OAS1: variants seen among roughly 807,000 people sequenced by gnomAD.
The protein encoded by OAS1 is 2'-5'-oligoadenylate synthase 1.
A neutral mutation model predicts 38.5 loss-of-function variants in OAS1; 24 were observed. The ratio of observed to expected loss-of-function variants is 0.62; its 90% confidence interval spans 0.45 to 0.88. The LOEUF (loss-of-function observed/expected upper bound fraction) is 0.88, where lower values mean the gene tolerates loss of function less well. OAS1 is among the 40% of genes least tolerant of loss of function. The pLI, the probability that OAS1 is intolerant of heterozygous loss-of-function variation, is 0.00. For missense variants in OAS1, 482 were observed against 493.9 expected, an observed-to-expected ratio of 0.98 and a Z score of 0.23; for synonymous variants, 169 against 193.9, an observed-to-expected ratio of 0.87 and a Z score of 1.07.
chr12:112,922,104 G>A (rs564197216), downstream of OAS1, among the ~76,000 whole-genome samples: 6 of 152,234 alleles, frequency 3.9e-5, no homozygotes, highest in East Asian at 9.7e-4. Context: ...TTGATCCTCT[G>A]CCCAACAGTC....
At chr12:112,924,513 G>A (rs1200660898), downstream of OAS1, among the ~76,000 whole-genome samples, 1 of 151,742 alleles carries the variant, frequency 6.6e-6, no homozygotes, top group African/African-American at 2.4e-5. Flanking sequence ...CCATGAACTT[G>A]GAGTTTCTTT....
chr12:112,909,910 T>A (rs148338363), intron 2 of OAS1, among the ~76,000 whole-genome samples: 1,933 of 152,272 alleles, frequency 0.013, 14 homozygotes, highest in Middle Eastern at 0.024. Flanking sequence ...TATCAAGTAA[T>A]TAGGACTTAA....
Position 112,908,677 on chromosome 12 carries a change from G to A in OAS1, c.322G>A (p.Ala108Thr). 1 of 1,614,230 alleles carries A rather than the reference G, an allele frequency of 6.2e-7. No individual in the cohort carries two copies. Among genetic ancestry groups the A allele is most frequent in the Non-Finnish European group, 8.5e-7 (1 of 1,180,042 alleles). Residue 108 changes from alanine to threonine, a missense_variant, in exon 2 of 6, where the codon GCC becomes ACC. Ala to Thr is a moderately conservative substitution (Grantham distance 58). Transcript: ENST00000202917. ...FIQEIRRQLE[A>T]CQRERAFSVK... ...CCAGGAAATTAGGAGACAGCTGGAA[G>A]CCTGTCAAAGAGAGAGAGCATTTTC...
intron 6 of OAS1, among the ~76,000 whole-genome samples, chr12:112,929,624 C>A (rs1263072810): frequency 1.3e-5 from 2 of 152,160 alleles, no homozygotes; most frequent in Non-Finnish European, 1.5e-5. Context: ...TCATATAAAT[C>A]CTATGAGGTA....
At chr12:112,917,484 A>C (rs541981546) in intron 4 of OAS1, 63 bp from the exon 5 acceptor site, 63 of 1,602,598 alleles carry the variant, frequency 3.9e-5, no homozygotes, top group Non-Finnish European at 5.3e-5. Context: ...TCCCAGGAGC[A>C]TCTGGACTCC....
At chr12:112,927,946 G>T (rs891820926) in intron 6 of OAS1, among the ~76,000 whole-genome samples, 3 of 152,154 alleles carry the variant, frequency 2.0e-5, no homozygotes, top group African/African-American at 4.8e-5. Flanking sequence ...GAAGACCAAA[G>T]ACTGTAGCAT....
intron 6 of OAS1, among the ~76,000 whole-genome samples, chr12:112,930,233 G>T (rs943264000): frequency 6.6e-6 from 1 of 152,090 alleles, no homozygotes; most frequent in Non-Finnish European, 1.5e-5. Context: ...CAGAAGCCAA[G>T]CAGACGTCAG....
intron 6 of OAS1, among the ~76,000 whole-genome samples, chr12:112,930,563 A>C (rs1169777681): frequency 1.3e-5 from 2 of 152,294 alleles, no homozygotes; most frequent in Middle Eastern, 3.4e-3. Flanking sequence ...CTGCCTGCCC[A>C]AGGCCGGTGC....
In OAS1 at chr12:112,907,063, A is replaced by G. The variant is rs1307572141; in HGVS notation, c.24A>G (p.Pro8=). 1.2e-6 allele frequency: 2 copies of G among 1,614,238 alleles called. No homozygotes were observed. The highest frequency in any genetic ancestry group is 1.3e-5 in the African/African-American group (1 of 75,058). The stretch of plus-strand genomic sequence containing the variant: ...CAATGATGGATCTCAGAAATACCCC[A>G]GCCAAATCTCTGGACAAGTTCATTG... MMDLRNT[P]AKSLDKFIED... The change falls in exon 1 of 6, where the codon CCA becomes CCG. Residue 8 remains proline (P), a synonymous_variant. Transcript: ENST00000202917.
At chr12:112,917,960 C>A in intron 5 of OAS1, 1 of 1,397,420 alleles carries the variant, frequency 7.2e-7, no homozygotes, top group Non-Finnish European at 9.3e-7. Context: ...TATTGACTGT[C>A]TGCTTCGGGC....
At chr12:112,928,384 A>G (rs2043573754) in intron 6 of OAS1, among the ~76,000 whole-genome samples, 1 of 152,146 alleles carries the variant, frequency 6.6e-6, no homozygotes, top group African/African-American at 2.4e-5. Flanking sequence ...GAGAGAAGAG[A>G]TTTACTCCTT....
chr12:112,925,200 C>T (rs1396494121), intron 6 of OAS1, among the ~76,000 whole-genome samples: 27 of 152,138 alleles, frequency 1.8e-4, no homozygotes, highest in Admixed American at 1.7e-3. Flanking sequence ...TCTGCACGCT[C>T]AGCTTCATGT....
At chr12:112,921,690 C>G (rs980625386), downstream of OAS1, among the ~76,000 whole-genome samples, 2 of 152,128 alleles carry the variant, frequency 1.3e-5, no homozygotes, top group Non-Finnish European at 2.9e-5. Flanking sequence ...TGGTGTGGGC[C>G]AAGTAGAGGG....
chr12:112,929,855 G>A (rs997147702), intron 6 of OAS1, among the ~76,000 whole-genome samples: 2 of 152,138 alleles, frequency 1.3e-5, no homozygotes, highest in Non-Finnish European at 1.5e-5. Context: ...CTTAGTGTGC[G>A]TGGCCTTGCC....
chr12:112,907,071 C>A lies in OAS1; in HGVS notation c.32C>A (p.Ser11Tyr). MMDLRNTPAK[S>Y]LDKFIEDYLL... ...GATCTCAGAAATACCCCAGCCAAAT[C>A]TCTGGACAAGTTCATTGAAGACTAT... Residue 11 changes from serine (S) to tyrosine (Y), a missense_variant, in exon 1 of 6, where the codon TCT becomes TAT. Physicochemically the swap from Ser to Tyr is moderately radical, Grantham distance 144 (BLOSUM62 -2). Coordinates refer to ENST00000202917, the MANE Select transcript of OAS1 (RefSeq NM_016816.4). 6.2e-7 allele frequency: 1 copy of A among 1,614,262 alleles called. No individual in the cohort carries two copies. Among genetic ancestry groups the A allele is most frequent in the Non-Finnish European group, 8.5e-7 (1 of 1,180,040 alleles).
At chr12:112,922,758 T>C (rs10850094), downstream of OAS1, among the ~76,000 whole-genome samples, 114,640 of 152,246 alleles carry the variant, frequency 0.75, 44,397 homozygotes, top group African/African-American at 0.94. Context: ...GGCCTCTTAA[T>C]ACCTTCTTCC....
intron 3 of OAS1, 111 bp from the exon 4 acceptor site, chr12:112,916,398 C>T: frequency 2.6e-6 from 2 of 760,262 alleles, no homozygotes; most frequent in Non-Finnish European, 4.4e-6. Context: ...GGATTCGTTC[C>T]AAGGAAACTT....
chr12:112,911,648 C>A (rs972702584), intron 3 of OAS1, among the ~76,000 whole-genome samples: 1 of 152,172 alleles, frequency 6.6e-6, no homozygotes, highest in Admixed American at 6.5e-5. Flanking sequence ...TGTTCAGATG[C>A]CCTTTCCTCC....
chr12:112,925,250 C>T (rs2043551284), intron 6 of OAS1, among the ~76,000 whole-genome samples: 1 of 152,098 alleles, frequency 6.6e-6, no homozygotes, highest in South Asian at 2.1e-4. Context: ...TTTTGGTGTA[C>T]TGCTGTCTTT....
Sources: gnomAD v4.1 joint callset for allele counts (sites outside exome capture counted in the v4.1 genomes callset) on GRCh38, gnomAD v4.1.1 for gene constraint, MANE v1.5 for transcripts, NCBI Gene and HGNC (gene_info 2026-07-23, HGNC 2026-07-21) for gene names.